The following RBFOX1 variants were observed in gnomAD, a reference collection of about 807,000 sequenced individuals.
RBFOX1 encodes RNA binding protein fox-1 homolog 1.
A neutral mutation model predicts 57.7 loss-of-function variants in RBFOX1; 8 were observed. The observed-to-expected ratio is 0.14, with a 90% CI of 0.08 to 0.25. The LOEUF (loss-of-function observed/expected upper bound fraction) is 0.25, where lower values mean the gene tolerates loss of function less well. Among genes scored for constraint, RBFOX1 ranks in the 10% least tolerant of loss-of-function variants. RBFOX1 has a pLI of 1.00. For synonymous variants in RBFOX1, 326 were observed against 222.4 expected (o/e 1.47, Z -4.15); for missense variants, 611 against 548.5 (o/e 1.11, Z -1.14).
At chr16:7,459,613 G>A (rs917994001) in intron 4 of RBFOX1, among the ~76,000 whole-genome samples, 6 of 152,136 alleles carry the variant, frequency 3.9e-5, no homozygotes, top group Admixed American at 1.3e-4. Context: ...ATTGCGGGGG[G>A]ACAGTTCTAG....
chr16:7,145,119 A>C (rs2152194986), intron 4 of RBFOX1, among the ~76,000 whole-genome samples: 1 of 152,326 alleles, frequency 6.6e-6, no homozygotes, highest in East Asian at 1.9e-4. Context: ...AAGCACCTAC[A>C]AGTCTCAGGA....
intron 1 of RBFOX1, among the ~76,000 whole-genome samples, chr16:5,425,726 A>G (rs940595156): frequency 2.6e-5 from 4 of 152,118 alleles, no homozygotes; most frequent in Admixed American, 1.3e-4. Context: ...TCATGGAGCA[A>G]GACCCATGCA....
intron 5 of RBFOX1, among the ~76,000 whole-genome samples, chr16:7,557,975 C>T (rs890044466): frequency 6.6e-6 from 1 of 152,038 alleles, no homozygotes; most frequent in South Asian, 2.1e-4. Context: ...AACAAACAAA[C>T]AAAAAACCTC....
intron 2 of RBFOX1, among the ~76,000 whole-genome samples, chr16:6,564,939 G>A (rs1443710071): frequency 6.6e-6 from 1 of 151,998 alleles, no homozygotes; most frequent in Non-Finnish European, 1.5e-5. Context: ...TCAGGAGTTG[G>A]AGATCAGCTT....
chr16:7,095,636 C>A (rs996448851), intron 4 of RBFOX1, among the ~76,000 whole-genome samples: 1 of 152,076 alleles, frequency 6.6e-6, no homozygotes, highest in Non-Finnish European at 1.5e-5. Context: ...CAGGTGGGAG[C>A]TTGGAATGTG....
At chr16:6,775,545 G>T (rs1161126399) in intron 3 of RBFOX1, among the ~76,000 whole-genome samples, 4 of 152,072 alleles carry the variant, frequency 2.6e-5, no homozygotes, top group South Asian at 2.1e-4. Context: ...AGTTATGTCA[G>T]TCCATCTCTT....
intron 3 of RBFOX1, among the ~76,000 whole-genome samples, chr16:6,692,799 C>T (rs1245323939): frequency 6.6e-6 from 1 of 152,080 alleles, no homozygotes; most frequent in African/African-American, 2.4e-5. Context: ...TTGTCACTAT[C>T]AGTACTATCA....
chr16:7,684,442 G>A (rs1568446177), intron 14 of RBFOX1, among the ~76,000 whole-genome samples: 1 of 151,984 alleles, frequency 6.6e-6, no homozygotes, highest in Non-Finnish European at 1.5e-5. Flanking sequence ...ACATTATGAT[G>A]TGTGACTGTT....
At chr16:7,356,157 A>T (rs1014167110) in intron 4 of RBFOX1, among the ~76,000 whole-genome samples, 10 of 152,298 alleles carry the variant, frequency 6.6e-5, no homozygotes, top group Admixed American at 6.5e-4. Flanking sequence ...TTCATCACGT[A>T]ACTATCAGGC....
chr16:7,537,802 T>A (rs1395582), intron 5 of RBFOX1, among the ~76,000 whole-genome samples: 26,582 of 152,100 alleles, frequency 0.17, 2,974 homozygotes, highest in East Asian at 0.35. Flanking sequence ...TTCAGTTGAA[T>A]GCAGACTAGA....
chr16:6,644,814 T>C (rs1276660167), intron 2 of RBFOX1, among the ~76,000 whole-genome samples: 2 of 152,178 alleles, frequency 1.3e-5, no homozygotes, highest in African/African-American at 2.4e-5. Flanking sequence ...CCCTAGAGCT[T>C]AGACTAAGCG....
At chr16:6,274,375 G>T (rs191621559) in intron 1 of RBFOX1, among the ~76,000 whole-genome samples, 48 of 152,262 alleles carry the variant, frequency 3.2e-4, no homozygotes, top group African/African-American at 1.1e-3. Context: ...TAACAAAAAG[G>T]AGTGGACTGT....
intron 2 of RBFOX1, among the ~76,000 whole-genome samples, chr16:6,636,472 A>G (rs758447060): frequency 4.6e-5 from 7 of 152,018 alleles, no homozygotes; most frequent in East Asian, 3.9e-4. Flanking sequence ...ACCCGGCTGG[A>G]TTTTGGATTT....
At chr16:6,067,656 A>G (rs1340361111) in intron 1 of RBFOX1, among the ~76,000 whole-genome samples, 2 of 152,220 alleles carry the variant, frequency 1.3e-5, no homozygotes, top group East Asian at 1.9e-4. Context: ...ATCTTTCTCC[A>G]TAGAAGGAAT....
At chr16:6,127,540 T>C (rs1314481549) in intron 1 of RBFOX1, among the ~76,000 whole-genome samples, 1 of 152,186 alleles carries the variant, frequency 6.6e-6, no homozygotes, top group Non-Finnish European at 1.5e-5. Context: ...AAGTTGACCT[T>C]GCAGAAATGA....
intron 13 of RBFOX1, among the ~76,000 whole-genome samples, chr16:7,674,160 A>C (rs2072522374): frequency 6.6e-6 from 1 of 152,228 alleles, no homozygotes; most frequent in Non-Finnish European, 1.5e-5. Context: ...AATTGCATAC[A>C]GAAGAAAAAT....
intron 3 of RBFOX1, among the ~76,000 whole-genome samples, chr16:5,857,335 T>G (rs1427558293): frequency 6.6e-6 from 1 of 152,106 alleles, no homozygotes. Flanking sequence ...GTAACAGATG[T>G]AATAATCATG....
At chr16:5,263,658 C>A (rs1385020019) in intron 1 of RBFOX1, among the ~76,000 whole-genome samples, 4 of 152,006 alleles carry the variant, frequency 2.6e-5, no homozygotes, top group Admixed American at 2.6e-4. Flanking sequence ...AAGGATGCTT[C>A]TCCTTATGAG....
At chr16:6,694,909 A>G (rs1480227106) in intron 3 of RBFOX1, among the ~76,000 whole-genome samples, 1 of 151,992 alleles carries the variant, frequency 6.6e-6, no homozygotes, top group Non-Finnish European at 1.5e-5. Context: ...CGTGGTAAAC[A>G]GGACTAACAC....
Sources: gnomAD v4.1 joint callset for allele counts (sites outside exome capture counted in the v4.1 genomes callset) on GRCh38, gnomAD v4.1.1 for gene constraint, MANE v1.5 for transcripts, NCBI Gene and HGNC (gene_info 2026-07-23, HGNC 2026-07-21) for gene names.